The following GRIK4 variants were observed in gnomAD, a reference collection of about 807,000 sequenced individuals.
GRIK4 encodes the protein glutamate ionotropic receptor kainate type subunit 4.
Under a neutral mutation model 104.9 loss-of-function variants are expected in GRIK4, and 40 were observed. The ratio of observed to expected loss-of-function variants is 0.38; its 90% CI spans 0.30 to 0.50. The LOEUF (loss-of-function observed/expected upper bound fraction) is 0.50, where lower values mean the gene tolerates loss of function less well. Among genes scored for constraint, GRIK4 ranks in the 20% least tolerant of loss-of-function variants. The probability of loss-of-function intolerance (pLI) is 0.93; values close to 1 mark genes in which losing one functional copy is unlikely to be tolerated. For synonymous variants in GRIK4, 485 were observed against 524.9 expected, an observed-to-expected ratio of 0.92 and a Z score of 1.04; for missense variants, 1,047 against 1,308.1, an observed-to-expected ratio of 0.80 and a Z score of 3.08.
intron 5 of GRIK4, among the ~76,000 whole-genome samples, chr11:120,816,452 C>T (rs1040107208): frequency 6.6e-6 from 1 of 152,114 alleles, no homozygotes; most frequent in Non-Finnish European, 1.5e-5. Flanking sequence ...CTCGCTTCTG[C>T]CCTAGAGGCC....
At chr11:120,649,765 T>C (rs1949593783) in intron 1 of GRIK4, among the ~76,000 whole-genome samples, 1 of 152,200 alleles carries the variant, frequency 6.6e-6, no homozygotes, top group Admixed American at 6.5e-5. Flanking sequence ...CCCAGAGAGA[T>C]GCCTAGCAGA....
intron 19 of GRIK4, among the ~76,000 whole-genome samples, chr11:120,981,127 C>T (rs760264779): frequency 1.3e-5 from 2 of 152,092 alleles, no homozygotes; most frequent in African/African-American, 4.8e-5. Context: ...ATGAAAGATG[C>T]CTTTTGATTT....
intron 1 of GRIK4, among the ~76,000 whole-genome samples, chr11:120,578,769 C>T (rs536287811): frequency 3.3e-5 from 5 of 152,332 alleles, no homozygotes; most frequent in African/African-American, 9.6e-5. Flanking sequence ...GCGAACGCCC[C>T]GCCCGGCCCC....
chr11:120,967,988 A>C lies in GRIK4; in HGVS notation c.2395+665A>C, dbSNP rs1033732763. Among the ~76,000 whole-genome samples the C allele has an allele frequency of 6.6e-6, 1 of 151,832 alleles. No homozygotes were observed. Among genetic ancestry groups the C allele is most frequent in the Non-Finnish European group, 1.5e-5 (1 of 67,976 alleles). The stretch of plus-strand genomic sequence containing the variant: ...ATTTCCCTTCTCAGACCTCATCGCT[A>C]CCTGATATTATATTTCTTGTGTATT... On this transcript the variant is annotated intron_variant, in intron 19 of 20. Transcript: ENST00000527524. The surrounding 1 kb of genome is among the most constrained non-coding windows in gnomAD (Gnocchi z 4.2).
chr11:120,784,591 C>T (rs943239607), intron 3 of GRIK4, among the ~76,000 whole-genome samples: 2 of 152,040 alleles, frequency 1.3e-5, no homozygotes, highest in Admixed American at 6.6e-5. Context: ...GAGATAAGAC[C>T]CTCAGTGGTC....
At position 120,513,155 on chromosome 11, in the gene GRIK4, GC is replaced by G. The variant is rs540090074; in HGVS notation, c.-159+1269del. On this transcript the variant is annotated intron_variant, in intron 1 of 20. Transcript: ENST00000527524. The surrounding 1 kb of genome is among the most constrained non-coding windows in gnomAD (Gnocchi z 4.5). ...GAGCACAGCTGGGCCCTTTTGCCAGGCAGTGGGCAGCTGTCAAGACCAGGCC... is the reference window on the plus strand; with the variant it reads ...GAGCACAGCTGGGCCCTTTTGCCAGGAGTGGGCAGCTGTCAAGACCAGGCC... 6.6e-6 allele frequency among the ~76,000 whole-genome samples: 1 copy of G among 152,302 alleles called. No homozygotes were observed. Among genetic ancestry groups the G allele is most frequent in the Non-Finnish European group, 1.5e-5 (1 of 68,026 alleles).
At chr11:120,858,314 G>A (rs765712193) in intron 8 of GRIK4, 2 of 152,126 alleles carry the variant, frequency 1.3e-5, no homozygotes, top group Non-Finnish European at 2.9e-5. Context: ...AAATGTGTTC[G>A]TTTTATGAAA....
At chr11:120,948,516 A>T (rs1044766315) in intron 14 of GRIK4, among the ~76,000 whole-genome samples, 1 of 152,186 alleles carries the variant, frequency 6.6e-6, no homozygotes, top group Admixed American at 6.5e-5. Flanking sequence ...CTGGCTTTTA[A>T]GAGTCTTCCT....
intron 1 of GRIK4, among the ~76,000 whole-genome samples, chr11:120,615,322 G>A (rs895399864): frequency 4.6e-5 from 7 of 152,220 alleles, no homozygotes; most frequent in Non-Finnish European, 1.0e-4. Context: ...ACAAAGCATT[G>A]AGCGGGTTGG....
chr11:120,864,457 G>GC (rs1954350124), intron 9 of GRIK4, among the ~76,000 whole-genome samples: 2 of 152,082 alleles, frequency 1.3e-5, no homozygotes, highest in South Asian at 2.1e-4. Context: ...AGCCAGGAGT[G>GC]TCTCGATCTC....
chr11:120,626,187 T>C (rs918208315), intron 1 of GRIK4, among the ~76,000 whole-genome samples: 1 of 152,192 alleles, frequency 6.6e-6, no homozygotes, highest in Non-Finnish European at 1.5e-5. Context: ...TTTGAGTCCT[T>C]AGAGCTGCTA....
chr11:120,753,928 A>G (rs920613199), intron 3 of GRIK4, among the ~76,000 whole-genome samples: 3 of 152,182 alleles, frequency 2.0e-5, no homozygotes, highest in Non-Finnish European at 4.4e-5. Context: ...CACCCCAAGA[A>G]GAAAGCCCAT....
At chr11:120,891,664 G>A (rs1955300442) in intron 11 of GRIK4, among the ~76,000 whole-genome samples, 1 of 152,186 alleles carries the variant, frequency 6.6e-6, no homozygotes, top group Admixed American at 6.5e-5. Context: ...GGCAGTCAAA[G>A]CTGGCCATGA....
At chr11:120,582,567 A>AT (rs1393203439) in intron 1 of GRIK4, among the ~76,000 whole-genome samples, 1 of 152,292 alleles carries the variant, frequency 6.6e-6, no homozygotes, top group African/African-American at 2.4e-5. Flanking sequence ...AGTTTTTGCC[A>AT]TTAGTGTGTT....
At position 120,905,235 on chromosome 11, in the gene GRIK4, G is replaced by A. The variant is rs1942840112; in HGVS notation, c.1273-55G>A. ...GTGCCCCTGGCCCTCCCCATCACACGCGGGTGAGACACCAGGGCTAAGATG... is the reference window on the plus strand; with the variant it reads ...GTGCCCCTGGCCCTCCCCATCACACACGGGTGAGACACCAGGGCTAAGATG... On this transcript the variant is annotated intron_variant, in intron 12 of 20. Transcript: ENST00000527524. The surrounding 1 kb of genome is among the most constrained non-coding windows in gnomAD (Gnocchi z 5.1). 1.2e-5 allele frequency: 16 copies of A among 1,315,718 alleles called. No individual in the cohort carries two copies. The highest frequency in any genetic ancestry group is 8.2e-5 in the South Asian group (7 of 85,174). The allele number at this position is 1,315,718 out of a possible 1,614,324, so 81.5% of individuals were successfully genotyped here. A position where few individuals can be genotyped will look rare whatever the true frequency, so the allele number is the denominator to read the frequency against.
At chr11:120,691,406 A>T (rs1216124768) in intron 3 of GRIK4, among the ~76,000 whole-genome samples, 2 of 152,158 alleles carry the variant, frequency 1.3e-5, no homozygotes, top group African/African-American at 4.8e-5. Flanking sequence ...GATTTCAGGG[A>T]ACTCTCACAG....
At chr11:120,693,425 A>C (rs1014847092) in intron 3 of GRIK4, among the ~76,000 whole-genome samples, 2 of 152,192 alleles carry the variant, frequency 1.3e-5, no homozygotes, top group Admixed American at 6.5e-5. Flanking sequence ...TTTTAGATAC[A>C]TCAGCCCAGC....
intron 3 of GRIK4, among the ~76,000 whole-genome samples, chr11:120,699,146 C>T (rs1272908277): frequency 1.3e-5 from 2 of 152,158 alleles, no homozygotes; most frequent in East Asian, 1.9e-4. Flanking sequence ...ATCACAGCTG[C>T]GTGTGAGCCT....
chr11:120,962,823 G>T (rs1474149508), intron 18 of GRIK4, 142 bp downstream of exon 18: 57 of 451,542 alleles, frequency 1.3e-4, no homozygotes, highest in African/African-American at 2.1e-4. Context: ...GCATTCTAAA[G>T]TTTTTTTTTT....
Sources: allele counts gnomAD v4.1 joint callset (sites outside exome capture counted in the v4.1 genomes callset), GRCh38; gene constraint gnomAD v4.1.1; non-coding constraint Gnocchi (gnomAD v3.1); transcripts MANE v1.5; gene names NCBI Gene and HGNC (gene_info 2026-07-23, HGNC 2026-07-21).